RGS7: variants seen among roughly 807,000 people sequenced by gnomAD.
RGS7 encodes regulator of G-protein signaling 7.
A neutral mutation model predicts 81.1 loss-of-function variants in RGS7; 27 were observed. The observed-to-expected ratio is 0.33, with a 90% confidence interval of 0.25 to 0.46. The LOEUF is 0.46. RGS7 is among the 20% of genes least tolerant of loss of function. The pLI is 1.00. For missense variants in RGS7, 396 were observed against 607.4 expected, an observed-to-expected ratio of 0.65 and a Z score of 3.66; for synonymous variants, 208 against 207.7, an observed-to-expected ratio of 1.00 and a Z score of -0.01.
chr1:240,777,643 T>C (rs1029401608), intron 18 of RGS7, among the ~76,000 whole-genome samples: 1 of 152,190 alleles, frequency 6.6e-6, no homozygotes, highest in African/African-American at 2.4e-5. Context: ...CTTATAGGAC[T>C]GGGAAGTCCA....
At chr1:241,054,714 C>A (rs1349540110) in intron 3 of RGS7, among the ~76,000 whole-genome samples, 1 of 152,218 alleles carries the variant, frequency 6.6e-6, no homozygotes, top group Non-Finnish European at 1.5e-5. Context: ...TGGACCAAAT[C>A]CCAAGAATCA....
intron 2 of RGS7, among the ~76,000 whole-genome samples, chr1:241,281,367 T>C (rs1034375353): frequency 1.3e-4 from 20 of 152,254 alleles, no homozygotes; most frequent in Admixed American, 8.5e-4. Context: ...GAGTATCCAC[T>C]TAAAACGCTC....
intron 2 of RGS7, among the ~76,000 whole-genome samples, chr1:241,119,308 A>G (rs979584469): frequency 1.3e-5 from 2 of 152,116 alleles, no homozygotes; most frequent in Non-Finnish European, 2.9e-5. Context: ...TCTGCATTCA[A>G]TCAGTTGCAA....
At chr1:241,277,709 C>T (rs1039784255) in intron 2 of RGS7, among the ~76,000 whole-genome samples, 2 of 151,926 alleles carry the variant, frequency 1.3e-5, no homozygotes, top group Non-Finnish European at 2.9e-5. Flanking sequence ...ACTTTTCACT[C>T]GTCTCTAACC....
chr1:240,966,696 C>A (rs894189273), intron 4 of RGS7, among the ~76,000 whole-genome samples: 1 of 152,058 alleles, frequency 6.6e-6, no homozygotes, highest in Non-Finnish European at 1.5e-5. Context: ...ATTGATTAAT[C>A]GAAACCTATG....
chr1:240,912,150 CAAAAAAAAA>C (rs374318547), intron 6 of RGS7, among the ~76,000 whole-genome samples: 2 of 55,808 alleles, frequency 3.6e-5, no homozygotes, highest in East Asian at 6.4e-4. Context: ...GATTCTGTCT[CAAAAAAAAA>C]AAAAAAAAAA....
At chr1:240,996,349 T>G (rs1331630983) in intron 3 of RGS7, among the ~76,000 whole-genome samples, 1 of 152,210 alleles carries the variant, frequency 6.6e-6, no homozygotes, top group Non-Finnish European at 1.5e-5. Context: ...TCCTTACTGA[T>G]TTTTCTGCCT....
intron 2 of RGS7, among the ~76,000 whole-genome samples, chr1:241,150,848 G>C (rs889205445): frequency 2.0e-5 from 3 of 150,514 alleles, no homozygotes; most frequent in Admixed American, 6.6e-5. Flanking sequence ...GAAGGCCTGA[G>C]AATCAAGGAA....
At chr1:240,829,880 G>A (rs1693534441) in intron 9 of RGS7, among the ~76,000 whole-genome samples, 1 of 152,038 alleles carries the variant, frequency 6.6e-6, no homozygotes, top group Non-Finnish European at 1.5e-5. Flanking sequence ...GTTAAGGGGT[G>A]GGAAAAATTA....
chr1:241,018,298 A>G (rs2059370734), intron 3 of RGS7, among the ~76,000 whole-genome samples: 1 of 151,842 alleles, frequency 6.6e-6, no homozygotes, highest in Admixed American at 6.6e-5. Context: ...TTGTCTCTTT[A>G]GACTGTGTTT....
At chr1:241,156,522 A>AG (rs1251284308) in intron 2 of RGS7, among the ~76,000 whole-genome samples, 1 of 149,738 alleles carries the variant, frequency 6.7e-6, no homozygotes, top group Non-Finnish European at 1.5e-5. Flanking sequence ...AAGAAAAAAA[A>AG]GAAAGATAGA....
chr1:241,017,636 T>C (rs2059328335), intron 3 of RGS7, among the ~76,000 whole-genome samples: 1 of 152,162 alleles, frequency 6.6e-6, no homozygotes. Context: ...TTCTCCATTC[T>C]CTTCTTGATT....
intron 2 of RGS7, among the ~76,000 whole-genome samples, chr1:241,292,464 TAGTGTAGTGGGCTTTGGAGA>T (rs777447824): frequency 2.6e-5 from 4 of 152,140 alleles, no homozygotes; most frequent in African/African-American, 4.8e-5. Context: ...GCGGCTTGTG[TAGTGTAGTGGGCTTTGGAGA>T]AGATCCCTGG....
chr1:241,324,817 A>G (rs1283673359), intron 2 of RGS7, among the ~76,000 whole-genome samples: 1 of 152,130 alleles, frequency 6.6e-6, no homozygotes, highest in Non-Finnish European at 1.5e-5. Context: ...CCTAAGTCTT[A>G]AGGTTCAGTT....
intron 2 of RGS7, among the ~76,000 whole-genome samples, chr1:241,195,249 G>C (rs190098209): frequency 2.5e-3 from 383 of 152,282 alleles, no homozygotes; most frequent in African/African-American, 9.0e-3. Flanking sequence ...GCTCAGGTGG[G>C]CGGATCACCT....
chr1:241,257,687 T>C (rs938026681), intron 2 of RGS7, among the ~76,000 whole-genome samples: 3 of 152,296 alleles, frequency 2.0e-5, no homozygotes, highest in Non-Finnish European at 2.9e-5. Flanking sequence ...CTCCACCTTC[T>C]CTTTTCTCAC....
chr1:240,862,636 A>T (rs1662426749), intron 9 of RGS7, among the ~76,000 whole-genome samples: 2 of 152,222 alleles, frequency 1.3e-5, no homozygotes, highest in Admixed American at 1.3e-4. Context: ...AAATGCTGTT[A>T]GGATAACTCC....
At position 241,163,465 on chromosome 1, in the gene RGS7, G is replaced by A. The variant is rs564589904; in HGVS notation, c.79-64703C>T. Among the ~76,000 whole-genome samples, 1 of 152,268 alleles carries A rather than the reference G, an allele frequency of 6.6e-6. No individual in the cohort carries two copies. On this transcript the variant is annotated intron_variant, in intron 2 of 18. Coordinates refer to ENST00000440928, the MANE Select transcript of RGS7 (RefSeq NM_001364886.1). The surrounding 1 kb of genome is among the most constrained non-coding windows in gnomAD (Gnocchi z 4.6). ...TGCAGAGAAAATCTGCATTGATGTAGCCAGGCTTTCTCCAAGGGCCTCCCC... is the reference window on the plus strand; with the variant it reads ...TGCAGAGAAAATCTGCATTGATGTAACCAGGCTTTCTCCAAGGGCCTCCCC...
chr1:240,873,001 C>A (rs1402648951), intron 6 of RGS7, among the ~76,000 whole-genome samples: 1 of 151,994 alleles, frequency 6.6e-6, no homozygotes, highest in Admixed American at 6.6e-5. Flanking sequence ...ATCACATGAA[C>A]CCAGGAGACA....
Sources: gnomAD v4.1 joint callset for allele counts (sites outside exome capture counted in the v4.1 genomes callset) on GRCh38, gnomAD v4.1.1 for gene constraint, Gnocchi (gnomAD v3.1) non-coding constraint, MANE v1.5 for transcripts, NCBI Gene and HGNC (gene_info 2026-07-23, HGNC 2026-07-21) for gene names.